ZBTB45: variants seen among roughly 807,000 people sequenced by gnomAD.
ZBTB45 encodes zinc finger and BTB domain-containing protein 45.
Under a neutral mutation model 28.4 loss-of-function variants are expected in ZBTB45, and 22 were observed. That is an observed-to-expected ratio of 0.77 (90% CI 0.55 to 1.10). The LOEUF (loss-of-function observed/expected upper bound fraction) is 1.10, where lower values mean the gene tolerates loss of function less well. Ranked by LOEUF, ZBTB45 falls within the 50% of genes least tolerant of loss-of-function variation. The pLI is 0.00. For missense variants in ZBTB45, 656 were observed against 750.2 expected (o/e 0.87, Z 1.47); for synonymous variants, 361 against 332.3 (o/e 1.09, Z -0.94).
chr19:58,524,680 G>A (rs1337212528), upstream of ZBTB45, among the ~76,000 whole-genome samples: 1 of 151,844 alleles, frequency 6.6e-6, no homozygotes, highest in African/African-American at 2.4e-5. Context: ...TCAGGAGATC[G>A]AGACCATCCT....
At chr19:58,524,063 CAAAAAAAA>C (rs529087016), upstream of ZBTB45, among the ~76,000 whole-genome samples, 2 of 73,206 alleles carry the variant, frequency 2.7e-5, no homozygotes, top group Non-Finnish European at 4.7e-5. Flanking sequence ...GACTCTGTCT[CAAAAAAAA>C]AAAAAAAAAA....
chr19:58,515,757 C>T lies in ZBTB45; in HGVS notation c.1279+638G>A, dbSNP rs1327542623. On this transcript the variant is annotated intron_variant, in intron 2 of 2. Transcript: ENST00000594051. This position sits in a 1 kb window ranked among gnomAD's most constrained non-coding sequence, Gnocchi z 4.7. ...CCAGGGAGCATCCTCACCACATTCC[C>T]CAGTACCACCCTCCCACTCTTTACC... Among the ~76,000 whole-genome samples, 2 of 152,190 alleles carry T rather than the reference C, an allele frequency of 1.3e-5. No homozygotes were observed. Among genetic ancestry groups the T allele is most frequent in the Admixed American group, 6.5e-5 (1 of 15,284 alleles).
At chr19:58,526,086 G>A (rs2122585922) in intron 1 of ZBTB45, among the ~76,000 whole-genome samples, 1 of 152,068 alleles carries the variant, frequency 6.6e-6, no homozygotes, top group East Asian at 1.9e-4. Context: ...AAATTAGCTG[G>A]GCATGGTGGC....
intron 1 of ZBTB45, among the ~76,000 whole-genome samples, chr19:58,537,529 C>T (rs1015327755): frequency 6.6e-6 from 1 of 152,060 alleles, no homozygotes; most frequent in African/African-American, 2.4e-5. Flanking sequence ...ATACCCCAGA[C>T]CCTGCTAGCT....
chr19:58,528,605 C>T (rs2053619845), intron 1 of ZBTB45, among the ~76,000 whole-genome samples: 1 of 150,104 alleles, frequency 6.7e-6, no homozygotes. Context: ...ACTAAAAATA[C>T]AAAATTAGGC....
At chr19:58,524,614 T>A (rs886921030), upstream of ZBTB45, among the ~76,000 whole-genome samples, 1 of 151,962 alleles carries the variant, frequency 6.6e-6, no homozygotes, top group African/African-American at 2.4e-5. Context: ...CCGGGTGCAG[T>A]GGCTCACACC....
chr19:58,520,973 A>G (rs1057139671), upstream of ZBTB45, among the ~76,000 whole-genome samples: 1 of 141,726 alleles, frequency 7.1e-6, no homozygotes, highest in African/African-American at 2.7e-5. Flanking sequence ...ACTGGCATGA[A>G]CCCGGGAGGC....
chr19:58,514,570 A>G (rs1379114361), intron 2 of ZBTB45, among the ~76,000 whole-genome samples: 1 of 151,938 alleles, frequency 6.6e-6, no homozygotes, highest in African/African-American at 2.4e-5. Context: ...ATACACTGTG[A>G]GGTACCCCTC....
chr19:58,516,227 T>C lies in ZBTB45; in HGVS notation c.1279+168A>G, dbSNP rs1430163212. 2.0e-5 allele frequency among the ~76,000 whole-genome samples: 3 copies of C among 152,084 alleles called. No homozygotes were observed. The highest frequency in any genetic ancestry group is 7.2e-5 in the African/African-American group (3 of 41,412). ...GCCTGCTGCTCCACAGAGTGGGGCT[T>C]TCCCCTCCCCCACATACCTTGCACT... On this transcript the variant is annotated intron_variant, in intron 2 of 2. Transcript: ENST00000594051. The surrounding 1 kb of genome is among the most constrained non-coding windows in gnomAD (Gnocchi z 6.2).
At chr19:58,522,937 T>C (rs1190238342), upstream of ZBTB45, among the ~76,000 whole-genome samples, 1 of 152,100 alleles carries the variant, frequency 6.6e-6, no homozygotes, top group Non-Finnish European at 1.5e-5. Context: ...GGGAAGACAG[T>C]GCACCTAGTG....
intron 1 of ZBTB45, among the ~76,000 whole-genome samples, chr19:58,535,747 C>T (rs187314943): frequency 6.6e-6 from 1 of 152,260 alleles, no homozygotes; most frequent in East Asian, 1.9e-4. Flanking sequence ...TTATGGTCTA[C>T]AAAACTGGCT....
chr19:58,535,108 T>G (rs2053653874), intron 1 of ZBTB45, among the ~76,000 whole-genome samples: 1 of 151,488 alleles, frequency 6.6e-6, no homozygotes, highest in Admixed American at 6.6e-5. Flanking sequence ...CCTGACCTCA[T>G]GATCCGCCCG....
intron 1 of ZBTB45, among the ~76,000 whole-genome samples, chr19:58,536,981 G>A (rs2053663495): frequency 6.6e-6 from 1 of 152,208 alleles, no homozygotes; most frequent in Non-Finnish European, 1.5e-5. Flanking sequence ...GAGGACAGAA[G>A]TATAAGGGAT....
intron 1 of ZBTB45, among the ~76,000 whole-genome samples, chr19:58,532,095 A>G (rs910043625): frequency 7.9e-5 from 12 of 152,026 alleles, no homozygotes; most frequent in African/African-American, 2.9e-4. Flanking sequence ...GGGCGAGGGC[A>G]CCCACCAAGT....
chr19:58,518,407 C>T (rs922293174), intron 1 of ZBTB45, among the ~76,000 whole-genome samples: 2 of 152,106 alleles, frequency 1.3e-5, no homozygotes, highest in Non-Finnish European at 2.9e-5. Context: ...CCCAGGGAAA[C>T]CAGTACATGC....
At chr19:58,526,171 G>A (rs2053605626) in intron 1 of ZBTB45, among the ~76,000 whole-genome samples, 1 of 152,160 alleles carries the variant, frequency 6.6e-6, no homozygotes, top group South Asian at 2.1e-4. Flanking sequence ...CTCCCAAAGT[G>A]CTGGGGTTAT....
intron 1 of ZBTB45, among the ~76,000 whole-genome samples, chr19:58,537,840 CTT>C (rs769769323): frequency 1.7e-4 from 23 of 135,290 alleles, no homozygotes; most frequent in Admixed American, 2.3e-4. Flanking sequence ...TCAAATATTC[CTT>C]TTTTTTTTTT....
At chr19:58,518,216 C>A (rs1225918082) in intron 1 of ZBTB45, among the ~76,000 whole-genome samples, 3 of 152,204 alleles carry the variant, frequency 2.0e-5, no homozygotes, top group East Asian at 3.8e-4. Context: ...CACATCCCCC[C>A]AGTATGAGAC....
intron 1 of ZBTB45, among the ~76,000 whole-genome samples, chr19:58,526,557 A>G (rs1231614245): frequency 9.7e-6 from 1 of 103,498 alleles, no homozygotes; most frequent in African/African-American, 3.7e-5. Flanking sequence ...TTTGAGATGG[A>G]GTCTCGCTCT....
Sources: allele counts gnomAD v4.1 joint callset (sites outside exome capture counted in the v4.1 genomes callset), GRCh38; gene constraint gnomAD v4.1.1; non-coding constraint Gnocchi (gnomAD v3.1); transcripts MANE v1.5; gene names NCBI Gene and HGNC (gene_info 2026-07-23, HGNC 2026-07-21).